ARHGAP12: variants seen among roughly 807,000 people sequenced by gnomAD.
ARHGAP12 encodes the protein Rho GTPase activating protein 12.
In ARHGAP12, 64 loss-of-function variants were observed where a neutral mutation model predicts 108.6. That is an observed-to-expected ratio of 0.59 (90% confidence interval 0.48 to 0.73). The LOEUF (loss-of-function observed/expected upper bound fraction) is 0.73. Among genes scored for constraint, ARHGAP12 ranks in the 30% least tolerant of loss-of-function variants. The pLI is 0.00. For synonymous variants in ARHGAP12, 312 were observed against 337.2 expected, an observed-to-expected ratio of 0.93 and a Z score of 0.82; for missense variants, 940 against 1,005.9, an observed-to-expected ratio of 0.93 and a Z score of 0.89.
chr10:31,904,601 G>C (rs1368008240), intron 3 of ARHGAP12, among the ~76,000 whole-genome samples: 2 of 152,110 alleles, frequency 1.3e-5, no homozygotes, highest in Non-Finnish European at 2.9e-5. Context: ...AAGGTAACTG[G>C]ATAGAGGGTA....
rs1592234266 is a variant in ARHGAP12 at position 31,806,151 on chromosome 10, T to C, written c.*1507A>G. ...CGTTGTGGGTGGAGAAATGTTGGCA[T>C]GGAAGAGAGGAGAAAAGGTATGAAA... On this transcript the variant is annotated 3_prime_UTR_variant, in exon 20 of 20. Coordinates refer to ENST00000344936, the MANE Select transcript of ARHGAP12 (RefSeq NM_018287.7). 1 of 152,216 alleles carries C rather than the reference T, an allele frequency of 6.6e-6. No homozygotes were observed. Among genetic ancestry groups the C allele is most frequent in the Non-Finnish European group, 1.5e-5 (1 of 67,998 alleles). 9.4% of individuals were successfully genotyped at this position (152,216 alleles called of 1,614,324 possible).
chr10:31,883,864 C>A (rs1250956612), intron 3 of ARHGAP12, among the ~76,000 whole-genome samples: 3 of 151,790 alleles, frequency 2.0e-5, no homozygotes, highest in African/African-American at 7.3e-5. Context: ...GGCACAAGCC[C>A]CAATGCCCAG....
intron 3 of ARHGAP12, among the ~76,000 whole-genome samples, chr10:31,880,872 C>A (rs1333604533): frequency 6.7e-6 from 1 of 148,390 alleles, no homozygotes; most frequent in East Asian, 2.0e-4. Flanking sequence ...CCAGCCTGGG[C>A]AACGTGGCAA....
chr10:31,819,474 A>T (rs1346770257), intron 12 of ARHGAP12, among the ~76,000 whole-genome samples: 1 of 152,226 alleles, frequency 6.6e-6, no homozygotes, highest in Non-Finnish European at 1.5e-5. Flanking sequence ...TCTTCTGTCA[A>T]TAGGCTGCCT....
chr10:31,925,496 C>G (rs1420613918), intron 1 of ARHGAP12, among the ~76,000 whole-genome samples: 1 of 152,222 alleles, frequency 6.6e-6, no homozygotes, highest in Non-Finnish European at 1.5e-5. Context: ...AACACTGACA[C>G]ATAACAATTT....
At chr10:31,884,492 A>G (rs879320779) in intron 3 of ARHGAP12, among the ~76,000 whole-genome samples, 2 of 152,194 alleles carry the variant, frequency 1.3e-5, no homozygotes, top group Non-Finnish European at 2.9e-5. Flanking sequence ...GCCTTTTCAT[A>G]TTATTGTGAA....
rs763401348 is a variant in ARHGAP12 at position 31,861,500 on chromosome 10, G to C, written c.843C>G (p.Cys281Trp). Reference protein sequence around the residue: ...WETHKDSSGRCYYYNRGTQER... With the variant: ...WETHKDSSGRWYYYNRGTQER... ...CCTGTGTCCCTCTGTTATAGTAATAGCAACGCCCTGAGCTGTCTTTATGAG... is the reference window on the plus strand; with the variant it reads ...CCTGTGTCCCTCTGTTATAGTAATACCAACGCCCTGAGCTGTCTTTATGAG... Residue 281 changes from cysteine (C) to tryptophan (W), a missense_variant, in exon 4 of 20, where the codon TGC (cysteine) becomes TGG (tryptophan). Transcript: ENST00000344936. 4 of 1,614,130 alleles carry C rather than the reference G, an allele frequency of 2.5e-6. No individual in the cohort carries two copies. Among genetic ancestry groups the C allele is most frequent in the South Asian group, 1.1e-5 (1 of 91,088 alleles).
chr10:31,814,440 C>T (rs1247143210), intron 13 of ARHGAP12, 79 bp from the exon 14 acceptor site: 3 of 1,170,140 alleles, frequency 2.6e-6, no homozygotes, highest in Non-Finnish European at 3.8e-6. Context: ...CTCACAATGA[C>T]TATTGTAAAT....
intron 6 of ARHGAP12, among the ~76,000 whole-genome samples, chr10:31,844,897 A>C (rs1836396208): frequency 6.6e-6 from 1 of 152,080 alleles, no homozygotes. Flanking sequence ...TGCAAATATA[A>C]ATTTTAGGTT....
intron 3 of ARHGAP12, among the ~76,000 whole-genome samples, chr10:31,887,484 T>C (rs1175526967): frequency 1.3e-5 from 2 of 152,158 alleles, no homozygotes; most frequent in African/African-American, 2.4e-5. Context: ...ACGAAATCGG[T>C]ATTCCCTTCA....
Position 31,904,462 on chromosome 10 carries a change from T to C in ARHGAP12, c.684+3710A>G, listed in dbSNP as rs553362673. On this transcript the variant is annotated intron_variant, in intron 3 of 19. Coordinates refer to ENST00000344936, the MANE Select transcript of ARHGAP12 (RefSeq NM_018287.7). ...TAAGGAGGGTTAAGATGGGAGGGAATTGGTTATGGCTGTAAAAGGGCAACA... is the reference window on the plus strand; with the variant it reads ...TAAGGAGGGTTAAGATGGGAGGGAACTGGTTATGGCTGTAAAAGGGCAACA... Among the ~76,000 whole-genome samples the C allele has an allele frequency of 2.1e-4, 32 of 152,190 alleles. No individual in the cohort carries two copies. In the South Asian group the frequency reaches 5.8e-3, roughly 28 times the overall value.
intron 13 of ARHGAP12, 46 bp downstream of exon 13, chr10:31,817,742 G>T (rs376731029): frequency 8.5e-6 from 10 of 1,175,494 alleles, no homozygotes; most frequent in Non-Finnish European, 1.2e-5. Flanking sequence ...AAAAAAAAAA[G>T]AAAAACAGCT....
intron 3 of ARHGAP12, among the ~76,000 whole-genome samples, chr10:31,862,609 A>G (rs989749173): frequency 6.6e-6 from 1 of 151,870 alleles, no homozygotes; most frequent in Non-Finnish European, 1.5e-5. Flanking sequence ...TTGAGACACA[A>G]AGTTATTTGT....
intron 9 of ARHGAP12, 92 bp downstream of exon 9, chr10:31,839,213 A>C: frequency 1.5e-6 from 2 of 1,336,734 alleles, no homozygotes; most frequent in Non-Finnish European, 2.1e-6. Context: ...TATTATTTCC[A>C]ATATTCATCT....
rs1186767531 is a variant in ARHGAP12 at position 31,928,055 on chromosome 10, T to C, written c.-111+628A>G. On this transcript the variant is annotated intron_variant, in intron 1 of 19. Coordinates refer to ENST00000344936, the MANE Select transcript of ARHGAP12 (RefSeq NM_018287.7). Reference sequence around the variant, plus strand: ...GTGTCCGGTTTAAGGTCAACAGTCCTCGAGGGACGCCCCAGGTGGATTCCC... The same window carrying C: ...GTGTCCGGTTTAAGGTCAACAGTCCCCGAGGGACGCCCCAGGTGGATTCCC... Among the ~76,000 whole-genome samples, 5 of 152,160 alleles carry C rather than the reference T, an allele frequency of 3.3e-5. No homozygotes were observed. In the East Asian group the frequency reaches 9.7e-4, roughly 29 times the overall value.
At chr10:31,828,712 C>T (rs1835718018) in intron 10 of ARHGAP12, among the ~76,000 whole-genome samples, 1 of 151,934 alleles carries the variant, frequency 6.6e-6, no homozygotes, top group Non-Finnish European at 1.5e-5. Context: ...TTTCCTGGAA[C>T]CCCATTTTTT....
At chr10:31,841,034 T>C (rs1836243488) in intron 7 of ARHGAP12, among the ~76,000 whole-genome samples, 1 of 151,896 alleles carries the variant, frequency 6.6e-6, no homozygotes, top group African/African-American at 2.4e-5. Context: ...AAGTAGAAAA[T>C]AAGTAACTGA....
At chr10:31,881,915 G>GC (rs1335553803) in intron 3 of ARHGAP12, among the ~76,000 whole-genome samples, 1 of 136,032 alleles carries the variant, frequency 7.4e-6, no homozygotes, top group Non-Finnish European at 1.6e-5. Flanking sequence ...TTGTTTAGAT[G>GC]TTTTTTTTTT....
rs768987896 is a variant in ARHGAP12 at position 31,861,599 on chromosome 10, T to A, written c.744A>T (p.Glu248Asp). Residue 248 changes from glutamate (E) to aspartate (D), a missense_variant, in exon 4 of 20, where the codon GAA (glutamate) becomes GAT (aspartate). Coordinates refer to ENST00000344936, the MANE Select transcript of ARHGAP12 (RefSeq NM_018287.7). Reference protein sequence around the residue: ...PDSPVYANLQELKISQSALPP... With the variant: ...PDSPVYANLQDLKISQSALPP... Reference sequence around the variant, plus strand: ...GAAGAGCAGACTGGGATATTTTCAGTTCTTGAAGGTTAGCATAGACAGGAG... The same window carrying A: ...GAAGAGCAGACTGGGATATTTTCAGATCTTGAAGGTTAGCATAGACAGGAG... 6.2e-7 allele frequency: 1 copy of A among 1,614,038 alleles called. No individual in the cohort carries two copies. The highest frequency in any genetic ancestry group is 1.3e-5 in the African/African-American group (1 of 74,920).
Sources: gnomAD v4.1 joint callset for allele counts (sites outside exome capture counted in the v4.1 genomes callset) on GRCh38, gnomAD v4.1.1 for gene constraint, MANE v1.5 for transcripts, NCBI Gene and HGNC (gene_info 2026-07-23, HGNC 2026-07-21) for gene names.